SLC1A2: variants seen among roughly 807,000 people sequenced by gnomAD.
SLC1A2 encodes excitatory amino acid transporter 2.
A neutral mutation model predicts 48.8 loss-of-function variants in SLC1A2; 15 were observed. The ratio of observed to expected loss-of-function variants is 0.31; its 90% CI spans 0.21 to 0.47. The LOEUF (loss-of-function observed/expected upper bound fraction) is 0.47. Ranked by LOEUF, SLC1A2 falls within the 20% of genes least tolerant of loss-of-function variation. The pLI is 0.99. For missense variants in SLC1A2, 502 were observed against 730.5 expected, an observed-to-expected ratio of 0.69 and a Z score of 3.61; for synonymous variants, 279 against 272.6, an observed-to-expected ratio of 1.02 and a Z score of -0.23.
chr11:35,271,700 G>T (rs538668585), intron 9 of SLC1A2, among the ~76,000 whole-genome samples: 1 of 152,038 alleles, frequency 6.6e-6, no homozygotes, highest in Non-Finnish European at 1.5e-5. Flanking sequence ...AAAATTAGCC[G>T]GGTGTGGTGT....
chr11:35,401,010 C>T (rs1045790148), intron 1 of SLC1A2, among the ~76,000 whole-genome samples: 4 of 143,978 alleles, frequency 2.8e-5, no homozygotes, highest in East Asian at 2.3e-4. Flanking sequence ...GGTGGGTGGG[C>T]GGGGCTTCTA....
chr11:35,345,040 G>C (rs746468068), intron 1 of SLC1A2, among the ~76,000 whole-genome samples: 7 of 148,844 alleles, frequency 4.7e-5, no homozygotes, highest in Non-Finnish European at 8.9e-5. Flanking sequence ...TCTCTAAGTG[G>C]AGTTTTGAAT....
chr11:35,282,722 TGA>T (rs1850680801), intron 8 of SLC1A2, among the ~76,000 whole-genome samples: 1 of 152,224 alleles, frequency 6.6e-6, no homozygotes, highest in Non-Finnish European at 1.5e-5. Context: ...TCAGTTGCTC[TGA>T]GTCACTCTTG....
chr11:35,289,234 C>T (rs3794093), intron 7 of SLC1A2, among the ~76,000 whole-genome samples: 3 of 151,954 alleles, frequency 2.0e-5, no homozygotes, highest in East Asian at 1.9e-4. Context: ...CTACCCTCAA[C>T]GTCTTTATTC....
intron 9 of SLC1A2, among the ~76,000 whole-genome samples, chr11:35,267,181 C>T (rs868248138): frequency 6.6e-6 from 1 of 152,052 alleles, no homozygotes; most frequent in Non-Finnish European, 1.5e-5. Context: ...GCTAAGAAGC[C>T]CCAGTACGTG....
chr11:35,257,322 C>T lies in SLC1A2; in HGVS notation c.*3572G>A, dbSNP rs1187674243. The T allele has an allele frequency of 6.6e-6, 1 of 152,190 alleles. No homozygotes were observed. Among genetic ancestry groups the T allele is most frequent in the African/African-American group, 2.4e-5 (1 of 41,454 alleles). 9.4% of individuals were successfully genotyped at this position (152,190 alleles called of 1,614,324 possible). On this transcript the variant is annotated 3_prime_UTR_variant, in exon 11 of 11. Transcript: ENST00000278379. The stretch of plus-strand genomic sequence containing the variant: ...AATCCAGGAGCTAGGCATTTTGGCA[C>T]CCCTTCTTTCAGCTTTCATGAATAT...
intron 1 of SLC1A2, among the ~76,000 whole-genome samples, chr11:35,337,453 T>C (rs748859678): frequency 1.2e-4 from 18 of 152,188 alleles, no homozygotes; most frequent in Admixed American, 5.2e-4. Context: ...ATGAGTCATA[T>C]AACACATGCT....
intron 1 of SLC1A2, among the ~76,000 whole-genome samples, chr11:35,397,085 T>G (rs1395715323): frequency 6.8e-6 from 1 of 148,138 alleles, no homozygotes; most frequent in African/African-American, 2.5e-5. Context: ...ATCAATATTG[T>G]GAAAATGGCC....
At chr11:35,336,020 C>T (rs1417982160) in intron 1 of SLC1A2, among the ~76,000 whole-genome samples, 1 of 152,154 alleles carries the variant, frequency 6.6e-6, no homozygotes, top group African/African-American at 2.4e-5. Flanking sequence ...TTCAGAGGGA[C>T]ATGAATTGAG....
At chr11:35,297,034 GA>G (rs561833127) in intron 6 of SLC1A2, among the ~76,000 whole-genome samples, 22 of 147,786 alleles carry the variant, frequency 1.5e-4, no homozygotes, top group African/African-American at 4.0e-4. Context: ...TTTATTGAAT[GA>G]AAAAAAAAAT....
In SLC1A2 at chr11:35,258,985, C is replaced by G. The variant is rs563671495; in HGVS notation, c.*1909G>C. The G allele has an allele frequency of 1.3e-5, 2 of 150,394 alleles. No homozygotes were observed. Among genetic ancestry groups the G allele is most frequent in the East Asian group, 2.0e-4 (1 of 5,106 alleles). 9.3% of individuals were successfully genotyped at this position (150,394 alleles called of 1,614,324 possible). A position where few individuals can be genotyped will look rare whatever the true frequency, so the allele number is the denominator to read the frequency against. On this transcript the variant is annotated 3_prime_UTR_variant, in exon 11 of 11. Transcript: ENST00000278379. ...AAAGAATGCATTTTCTACTACTACA[C>G]TTAATCATATCCCTTGACCACCCTG...
chr11:35,306,494 TG>T (rs1274274109), intron 4 of SLC1A2, among the ~76,000 whole-genome samples: 4 of 152,344 alleles, frequency 2.6e-5, no homozygotes, highest in Admixed American at 1.3e-4. Context: ...TGCAAATTTA[TG>T]GGGTACATGA....
intron 1 of SLC1A2, among the ~76,000 whole-genome samples, chr11:35,331,625 G>A (rs1177601307): frequency 6.6e-6 from 1 of 152,174 alleles, no homozygotes; most frequent in African/African-American, 2.4e-5. Flanking sequence ...TGCTGATATG[G>A]CACAGTCCAC....
intron 1 of SLC1A2, among the ~76,000 whole-genome samples, chr11:35,395,783 G>A (rs1459604470): frequency 3.6e-5 from 5 of 138,962 alleles, no homozygotes; most frequent in Admixed American, 7.2e-5. Context: ...CCACTAACTC[G>A]TCATCTAGCA....
At chr11:35,390,080 G>T (rs1854716555) in intron 1 of SLC1A2, among the ~76,000 whole-genome samples, 1 of 152,160 alleles carries the variant, frequency 6.6e-6, no homozygotes, top group Non-Finnish European at 1.5e-5. Flanking sequence ...AGCTGGTTTT[G>T]GATGTTTATT....
intron 1 of SLC1A2, among the ~76,000 whole-genome samples, chr11:35,355,611 G>A (rs1022896691): frequency 3.3e-5 from 5 of 152,156 alleles, no homozygotes; most frequent in Admixed American, 2.0e-4. Context: ...TTGGTTGGGC[G>A]TGGTGTCTCA....
intron 1 of SLC1A2, chr11:35,380,321 C>T (rs1854380487): frequency 2.5e-6 from 1 of 398,444 alleles, no homozygotes; most frequent in African/African-American, 2.1e-5. Flanking sequence ...AAGGCCTTGG[C>T]TTTTGCTTTG....
chr11:35,306,070 C>G lies in SLC1A2; in HGVS notation c.730+4G>C. 6.2e-7 allele frequency: 1 copy of G among 1,612,918 alleles called. No individual in the cohort carries two copies. The highest frequency in any genetic ancestry group is 8.5e-7 in the Non-Finnish European group (1 of 1,179,238). ...GCAGAATCCCGGACCACCAGCTGGC[C>G]TACCTAAGACGTTCATCCCATCCTT... On this transcript the variant is annotated splice_donor_region_variant and intron_variant, in intron 5 of 10. Coordinates refer to ENST00000278379, the MANE Select transcript of SLC1A2 (RefSeq NM_004171.4).
chr11:35,383,878 C>T (rs1315730615), intron 1 of SLC1A2, among the ~76,000 whole-genome samples: 2 of 152,294 alleles, frequency 1.3e-5, no homozygotes, highest in Non-Finnish European at 2.9e-5. Context: ...TACCATCTCA[C>T]TCAGTACATC....
Sources: gnomAD v4.1 joint callset for allele counts (sites outside exome capture counted in the v4.1 genomes callset) on GRCh38, gnomAD v4.1.1 for gene constraint, MANE v1.5 for transcripts, NCBI Gene and HGNC (gene_info 2026-07-23, HGNC 2026-07-21) for gene names.